DLGAP1: variants seen among roughly 807,000 people sequenced by gnomAD.
DLGAP1 encodes disks large-associated protein 1.
A neutral mutation model predicts 90.8 loss-of-function variants in DLGAP1; 11 were observed. The observed-to-expected ratio is 0.12, with a 90% confidence interval of 0.08 to 0.20. DLGAP1 has a LOEUF of 0.20. DLGAP1 is among the 10% of genes least tolerant of loss of function. The pLI is 1.00. For synonymous variants in DLGAP1, 558 were observed against 540.7 expected (o/e 1.03, Z -0.44); for missense variants, 1,050 against 1,333.8 (o/e 0.79, Z 3.31).
rs138771360 is a variant in DLGAP1 at position 3,534,045 on chromosome 18, T to G, written c.2479+149A>C. The G allele has an allele frequency of 4.0e-4, 340 of 852,680 alleles. 4 individuals are homozygous for G. Among genetic ancestry groups the G allele is most frequent in the South Asian group, 3.2e-3 (179 of 56,064 alleles). The allele number at this position is 852,680 out of a possible 1,614,324, so 52.8% of individuals were successfully genotyped here. ...CAGGGACTTCTGGACTCAGCTGGAA[T>G]CACCTAGCTCTCCTGCATGTTCTGG... On this transcript the variant is annotated intron_variant, in intron 10 of 12. Transcript: ENST00000315677.
intron 2 of DLGAP1, among the ~76,000 whole-genome samples, chr18:4,112,082 C>T (rs1224915739): frequency 1.3e-5 from 2 of 151,834 alleles, no homozygotes; most frequent in Non-Finnish European, 2.9e-5. Context: ...ACAAACTTCC[C>T]TGTGATCACT....
intron 5 of DLGAP1, among the ~76,000 whole-genome samples, chr18:3,768,749 G>T (rs528322135): frequency 2.0e-5 from 3 of 152,258 alleles, no homozygotes; most frequent in African/African-American, 7.2e-5. Context: ...GCAAAAAGAC[G>T]TAAGTCTCCC....
At chr18:4,335,892 G>T (rs2081057799) in intron 1 of DLGAP1, among the ~76,000 whole-genome samples, 1 of 152,148 alleles carries the variant, frequency 6.6e-6, no homozygotes, top group Non-Finnish European at 1.5e-5. Flanking sequence ...TCATATTCAG[G>T]TATTTAAAGT....
At chr18:4,108,814 C>T (rs1354836558) in intron 2 of DLGAP1, among the ~76,000 whole-genome samples, 3 of 151,826 alleles carry the variant, frequency 2.0e-5, no homozygotes, top group Non-Finnish European at 2.9e-5. Context: ...AACAGTGTAG[C>T]CTGGAATATT....
intron 8 of DLGAP1, among the ~76,000 whole-genome samples, chr18:3,575,260 G>A (rs907646754): frequency 5.3e-5 from 8 of 152,048 alleles, no homozygotes; most frequent in Non-Finnish European, 1.2e-4. Context: ...CACTTGGACA[G>A]GTATTAAAGG....
chr18:4,313,063 T>C (rs1284278142), intron 1 of DLGAP1, among the ~76,000 whole-genome samples: 4 of 152,222 alleles, frequency 2.6e-5, no homozygotes. Flanking sequence ...CCTAAAAAAT[T>C]ATGCTTGTCA....
intron 7 of DLGAP1, among the ~76,000 whole-genome samples, chr18:3,613,280 A>C (rs565682614): frequency 3.3e-5 from 5 of 152,202 alleles, no homozygotes; most frequent in Non-Finnish European, 7.3e-5. Flanking sequence ...TCAGGAAAAA[A>C]AAAGTTAGCA....
At chr18:3,842,261 G>T (rs1026541313) in intron 4 of DLGAP1, among the ~76,000 whole-genome samples, 1 of 152,084 alleles carries the variant, frequency 6.6e-6, no homozygotes, top group Non-Finnish European at 1.5e-5. Context: ...AGTGGACAGA[G>T]GGAGTGTTAG....
In DLGAP1 at chr18:4,144,146, A is replaced by G. The variant is rs1437598091; in HGVS notation, c.-159+7034T>C. Reference sequence around the variant, plus strand: ...ACTAGATCGTGAGCACGCCAACCCCACTGGCTCCGAGTCCAGCACAGCACC... The same window carrying G: ...ACTAGATCGTGAGCACGCCAACCCCGCTGGCTCCGAGTCCAGCACAGCACC... On this transcript the variant is annotated intron_variant, in intron 2 of 12. Transcript: ENST00000315677. Among the ~76,000 whole-genome samples the G allele has an allele frequency of 2.0e-5, 3 of 152,280 alleles. No homozygotes were observed. The East Asian group carries it at 5.8e-4, about 29-fold the overall frequency.
At chr18:3,918,608 T>A (rs1360767579) in intron 3 of DLGAP1, among the ~76,000 whole-genome samples, 1 of 152,176 alleles carries the variant, frequency 6.6e-6, no homozygotes, top group Non-Finnish European at 1.5e-5. Flanking sequence ...TTCTGGAGAT[T>A]TTCCCCCTAA....
intron 7 of DLGAP1, among the ~76,000 whole-genome samples, chr18:3,656,589 G>A (rs867170654): frequency 6.6e-6 from 1 of 152,130 alleles, no homozygotes; most frequent in South Asian, 2.1e-4. Flanking sequence ...CTTCTCTGGG[G>A]TGGTTGGGCC....
At chr18:3,505,652 A>AAG (rs1485928636) in intron 11 of DLGAP1, among the ~76,000 whole-genome samples, 1 of 151,252 alleles carries the variant, frequency 6.6e-6, no homozygotes, top group African/African-American at 2.4e-5. Context: ...AAAAAAAAAA[A>AAG]AAAAAAAGTC....
chr18:4,233,228 T>G (rs2078336251), intron 1 of DLGAP1, among the ~76,000 whole-genome samples: 1 of 152,144 alleles, frequency 6.6e-6, no homozygotes, highest in African/African-American at 2.4e-5. Flanking sequence ...CCCACTTATG[T>G]TCTATCCCTG....
At chr18:3,896,707 C>T (rs2071633993) in intron 3 of DLGAP1, 1 of 152,356 alleles carries the variant, frequency 6.6e-6, no homozygotes, top group Non-Finnish European at 1.5e-5. Flanking sequence ...TCTCTTTGAC[C>T]TTCTCCCAGC....
rs2049782606 is a variant in DLGAP1, at chr18:3,498,883, T to C, written c.*302A>G. 4.6e-6 allele frequency: 2 copies of C among 430,624 alleles called. No homozygotes were observed. Among genetic ancestry groups the C allele is most frequent in the Non-Finnish European group, 4.1e-6 (1 of 242,012 alleles). 26.7% of individuals were successfully genotyped at this position (430,624 alleles called of 1,614,324 possible). On this transcript the variant is annotated 3_prime_UTR_variant, in exon 13 of 13. Coordinates refer to ENST00000315677, the MANE Select transcript of DLGAP1 (RefSeq NM_004746.4). The stretch of plus-strand genomic sequence containing the variant: ...GCGGGTGACCTAAAGGCATCACTTC[T>C]ACACAGGTGGGTTTGGCTTTGCCCA...
At chr18:4,182,643 CTGTT>C (rs1208608894) in intron 1 of DLGAP1, among the ~76,000 whole-genome samples, 4 of 152,046 alleles carry the variant, frequency 2.6e-5, no homozygotes, top group Admixed American at 2.0e-4. Flanking sequence ...TAATAAACTT[CTGTT>C]TGTTTTTCTC....
At chr18:4,103,841 A>AT (rs1216983365) in intron 2 of DLGAP1, among the ~76,000 whole-genome samples, 1 of 152,170 alleles carries the variant, frequency 6.6e-6, no homozygotes, top group Non-Finnish European at 1.5e-5. Context: ...GTTAACATAG[A>AT]TAAAAAAATT....
At chr18:4,356,968 A>G (rs79645464) in intron 1 of DLGAP1, among the ~76,000 whole-genome samples, 3,981 of 151,416 alleles carry the variant, frequency 0.026, 180 homozygotes, top group African/African-American at 0.092. Flanking sequence ...CTCCCCCTTC[A>G]CCATTCAGGT....
chr18:4,320,828 A>C (rs2080668493), intron 1 of DLGAP1, among the ~76,000 whole-genome samples: 1 of 152,214 alleles, frequency 6.6e-6, no homozygotes, highest in African/African-American at 2.4e-5. Context: ...TGAGACGTTT[A>C]ATGAAAATGA....
Sources: gnomAD v4.1 joint callset for allele counts (sites outside exome capture counted in the v4.1 genomes callset) on GRCh38, gnomAD v4.1.1 for gene constraint, MANE v1.5 for transcripts, NCBI Gene and HGNC (gene_info 2026-07-23, HGNC 2026-07-21) for gene names.